Variants in GRAMD1B observed in about 807,000 individuals in gnomAD.
The protein encoded by GRAMD1B is protein Aster-B.
Under a neutral mutation model 99.7 loss-of-function variants are expected in GRAMD1B, and 37 were observed. The ratio of observed to expected loss-of-function variants is 0.37; its 90% CI spans 0.29 to 0.49. GRAMD1B has a LOEUF of 0.49. Among genes scored for constraint, GRAMD1B ranks in the 20% least tolerant of loss-of-function variants. The pLI is 0.98. For missense variants in GRAMD1B, 888 were observed against 1,009.2 expected, an observed-to-expected ratio of 0.88 and a Z score of 1.63; for synonymous variants, 427 against 387.6, an observed-to-expected ratio of 1.10 and a Z score of -1.19.
chr11:123,461,686 C>T (rs1354476101), intron 1 of GRAMD1B, among the ~76,000 whole-genome samples: 1 of 152,154 alleles, frequency 6.6e-6, no homozygotes, highest in African/African-American at 2.4e-5. Context: ...CTCACTGCAA[C>T]CTCTGCCTCC....
chr11:123,376,973 C>T (rs1946709895), intron 1 of GRAMD1B, among the ~76,000 whole-genome samples: 1 of 152,152 alleles, frequency 6.6e-6, no homozygotes, highest in African/African-American at 2.4e-5. Flanking sequence ...CAATCTTAAA[C>T]CCATAAAAAG....
intron 2 of GRAMD1B, among the ~76,000 whole-genome samples, chr11:123,537,792 A>G (rs879386843): frequency 2.0e-5 from 3 of 152,226 alleles, no homozygotes; most frequent in Admixed American, 2.0e-4. Flanking sequence ...AGCAGCAATG[A>G]TAGTTCTCCT....
chr11:123,403,483 TAA>T (rs1565476724), intron 1 of GRAMD1B, among the ~76,000 whole-genome samples: 24 of 146,334 alleles, frequency 1.6e-4, no homozygotes, highest in African/African-American at 6.0e-4. Flanking sequence ...ATAATAATAA[TAA>T]TAATAATTTC....
intron 1 of GRAMD1B, among the ~76,000 whole-genome samples, chr11:123,363,279 G>A (rs1254438846): frequency 6.6e-6 from 1 of 152,170 alleles, no homozygotes; most frequent in Non-Finnish European, 1.5e-5. Flanking sequence ...AAATGACCCC[G>A]TGATGGCGTT....
At chr11:123,455,224 T>C (rs990350276) in intron 1 of GRAMD1B, among the ~76,000 whole-genome samples, 2 of 152,220 alleles carry the variant, frequency 1.3e-5, no homozygotes, top group African/African-American at 4.8e-5. Flanking sequence ...CTATTATGAC[T>C]AGGTAGAGAT....
intron 2 of GRAMD1B, among the ~76,000 whole-genome samples, chr11:123,561,588 G>A (rs1946773066): frequency 6.6e-6 from 1 of 152,306 alleles, no homozygotes; most frequent in East Asian, 1.9e-4. Flanking sequence ...AGAGGGCTGG[G>A]GGAGGACTTG....
intron 14 of GRAMD1B, among the ~76,000 whole-genome samples, chr11:123,612,066 G>A (rs748545768): frequency 1.5e-4 from 23 of 152,066 alleles, no homozygotes; most frequent in Non-Finnish European, 2.9e-4. Context: ...AGAGGCAGGA[G>A]CCAGGGCTGG....
At chr11:123,403,992 A>T (rs893584564) in intron 1 of GRAMD1B, among the ~76,000 whole-genome samples, 1 of 151,960 alleles carries the variant, frequency 6.6e-6, no homozygotes, top group Non-Finnish European at 1.5e-5. Flanking sequence ...TGTTAACCTT[A>T]TTTTTTTGAA....
chr11:123,565,707 G>A (rs1020872907), intron 2 of GRAMD1B, among the ~76,000 whole-genome samples: 1 of 152,156 alleles, frequency 6.6e-6, no homozygotes, highest in African/African-American at 2.4e-5. Flanking sequence ...ATTGCAGAGG[G>A]AGCCCTGCAC....
intron 2 of GRAMD1B, among the ~76,000 whole-genome samples, chr11:123,507,309 C>G (rs1340177802): frequency 6.6e-6 from 1 of 152,184 alleles, no homozygotes; most frequent in Non-Finnish European, 1.5e-5. Context: ...ATTGATTACT[C>G]TACTGCAGTG....
chr11:123,602,352 C>G (rs1952091947), intron 8 of GRAMD1B, among the ~76,000 whole-genome samples: 1 of 151,214 alleles, frequency 6.6e-6, no homozygotes, highest in Non-Finnish European at 1.5e-5. Context: ...GAATATTGTT[C>G]AATTTTTATT....
intron 11 of GRAMD1B, among the ~76,000 whole-genome samples, chr11:123,607,171 T>C (rs1253132070): frequency 6.6e-6 from 1 of 152,164 alleles, no homozygotes; most frequent in African/African-American, 2.4e-5. Context: ...GTCCTCAAGA[T>C]AGCTGCGAAA....
intron 2 of GRAMD1B, among the ~76,000 whole-genome samples, chr11:123,561,544 T>C (rs989154451): frequency 6.6e-6 from 1 of 152,252 alleles, no homozygotes; most frequent in African/African-American, 2.4e-5. Flanking sequence ...CCACACCTCC[T>C]TGCATTGTTA....
chr11:123,445,533 G>A (rs1469517242), intron 1 of GRAMD1B, among the ~76,000 whole-genome samples: 3 of 151,880 alleles, frequency 2.0e-5, no homozygotes, highest in Non-Finnish European at 2.9e-5. Flanking sequence ...AAAGACTCTG[G>A]GGCCTGGCGC....
At chr11:123,394,965 C>G (rs1947408924) in intron 1 of GRAMD1B, among the ~76,000 whole-genome samples, 1 of 152,186 alleles carries the variant, frequency 6.6e-6, no homozygotes. Flanking sequence ...CAATCCCACC[C>G]ATGGTGGGGA....
At chr11:123,450,875 A>G (rs1949858403) in intron 1 of GRAMD1B, among the ~76,000 whole-genome samples, 1 of 152,176 alleles carries the variant, frequency 6.6e-6, no homozygotes, top group Non-Finnish European at 1.5e-5. Flanking sequence ...GTCTCTTGGC[A>G]CTAACAGAAG....
At chr11:123,578,682 C>G (rs1949007189) in intron 3 of GRAMD1B, among the ~76,000 whole-genome samples, 2 of 152,196 alleles carry the variant, frequency 1.3e-5, no homozygotes. Context: ...TCTGCCTGCT[C>G]CCTGGACACT....
At chr11:123,394,245 A>AT (rs1360215233) in intron 1 of GRAMD1B, among the ~76,000 whole-genome samples, 1 of 152,124 alleles carries the variant, frequency 6.6e-6, no homozygotes, top group African/African-American at 2.4e-5. Flanking sequence ...TATTCTGTCC[A>AT]TTTTTTTATA....
At chr11:123,603,594 G>A in intron 9 of GRAMD1B, 53 bp downstream of exon 9, 1 of 1,002,478 alleles carries the variant, frequency 1.0e-6, no homozygotes, top group Admixed American at 1.7e-5. Flanking sequence ...GTGCCTGCAG[G>A]AAGAACCTGC....
Sources: gnomAD v4.1 joint callset for allele counts (sites outside exome capture counted in the v4.1 genomes callset) on GRCh38, gnomAD v4.1.1 for gene constraint, MANE v1.5 for transcripts, NCBI Gene and HGNC (gene_info 2026-07-23, HGNC 2026-07-21) for gene names.